Variants in PLEKHG4B observed in about 807,000 individuals in gnomAD.
The protein encoded by PLEKHG4B is pleckstrin homology and RhoGEF domain containing G4B, also known as pleckstrin homology domain-containing family G member 4B.
A neutral mutation model predicts 121.3 loss-of-function variants in PLEKHG4B; 111 were observed. The ratio of observed to expected loss-of-function variants is 0.92; its 90% CI spans 0.78 to 1.07. PLEKHG4B has a LOEUF of 1.07. Among genes scored for constraint, PLEKHG4B ranks in the 50% least tolerant of loss-of-function variants. PLEKHG4B has a pLI of 0.00. For synonymous variants in PLEKHG4B, 738 were observed against 725.0 expected (o/e 1.02, Z -0.29); for missense variants, 1,831 against 1,757.8 (o/e 1.04, Z -0.74).
At chr5:167,502 G>C (rs1736391150) in intron 13 of PLEKHG4B, among the ~76,000 whole-genome samples, 1 of 152,098 alleles carries the variant, frequency 6.6e-6, no homozygotes, top group African/African-American at 2.4e-5. Flanking sequence ...AGGAGGTTGG[G>C]GGTAAGATGC....
chr5:166,652 G>A (rs944026649), intron 13 of PLEKHG4B, among the ~76,000 whole-genome samples: 1 of 151,952 alleles, frequency 6.6e-6, no homozygotes, highest in Non-Finnish European at 1.5e-5. Context: ...CTGCTGGGCG[G>A]CCTGGTTCCT....
At chr5:162,198 C>T (rs908782474) in intron 12 of PLEKHG4B, among the ~76,000 whole-genome samples, 6 of 151,910 alleles carry the variant, frequency 3.9e-5, no homozygotes, top group Non-Finnish European at 7.4e-5. Flanking sequence ...TTTACTGGCT[C>T]AGTTAGAAAA....
At chr5:164,534 G>GTAATGCTCTGAC (rs1736185132) in intron 13 of PLEKHG4B, among the ~76,000 whole-genome samples, 3 of 25,578 alleles carry the variant, frequency 1.2e-4, no homozygotes, top group Admixed American at 3.1e-4. Context: ...TGCTGTGACA[G>GTAATGCTCTGAC]GGGGCGGAGC....
At chr5:172,237 C>T (rs72720468) in intron 16 of PLEKHG4B, among the ~76,000 whole-genome samples, 15,117 of 152,260 alleles carry the variant, frequency 0.099, 953 homozygotes, top group Non-Finnish European at 0.12. Flanking sequence ...TCCCAGCATC[C>T]TCAGCCAAGG....
At chr5:150,085 A>G (rs1221194578) in intron 6 of PLEKHG4B, among the ~76,000 whole-genome samples, 3 of 152,266 alleles carry the variant, frequency 2.0e-5, no homozygotes, top group Middle Eastern at 3.2e-3. Flanking sequence ...AGCATTATCC[A>G]TAACAGCTAA....
At chr5:174,590 C>A (rs927130507) in intron 18 of PLEKHG4B, among the ~76,000 whole-genome samples, 1 of 152,134 alleles carries the variant, frequency 6.6e-6, no homozygotes, top group African/African-American at 2.4e-5. Flanking sequence ...GGGATGGGGT[C>A]ATTGCCCCGA....
At chr5:110,526 C>T (rs1734122337) in intron 1 of PLEKHG4B, among the ~76,000 whole-genome samples, 1 of 146,698 alleles carries the variant, frequency 6.8e-6, no homozygotes, top group Non-Finnish European at 1.5e-5. Flanking sequence ...ATGCACACAT[C>T]CACACAATCT....
chr5:184,069 A>G lies in PLEKHG4B; in HGVS notation c.*1746A>G, dbSNP rs866627100. 1 of 152,278 alleles carries G rather than the reference A, an allele frequency of 6.6e-6. No individual in the cohort carries two copies. Among genetic ancestry groups the G allele is most frequent in the Middle Eastern group, 3.4e-3 (1 of 294 alleles). The allele number at this position is 152,278 out of a possible 1,614,324, so 9.4% of individuals were successfully genotyped here. A position where few individuals can be genotyped will look rare whatever the true frequency, so the allele number is the denominator to read the frequency against. ...AGAGGGGCCTTAGGGGCATTGGCTGACACAATTTTGGCAGGTCAAGAGCCC... is the reference window on the plus strand; with the variant it reads ...AGAGGGGCCTTAGGGGCATTGGCTGGCACAATTTTGGCAGGTCAAGAGCCC... On this transcript the variant is annotated 3_prime_UTR_variant, in exon 20 of 20. Coordinates refer to ENST00000637938, the MANE Select transcript of PLEKHG4B (RefSeq NM_052909.5).
chr5:147,064 G>A (rs1032381592), intron 6 of PLEKHG4B, among the ~76,000 whole-genome samples: 3 of 152,180 alleles, frequency 2.0e-5, no homozygotes, highest in African/African-American at 7.2e-5. Context: ...GAAATTGGCT[G>A]GCCTGGGAGC....
chr5:145,002 T>A, intron 6 of PLEKHG4B, 82 bp downstream of exon 6: 1 of 1,304,910 alleles, frequency 7.7e-7, no homozygotes, highest in Non-Finnish European at 1.1e-6. Context: ...ATCGTGGTTC[T>A]GGAGTAGCCA....
intron 1 of PLEKHG4B, among the ~76,000 whole-genome samples, chr5:99,871 C>T (rs796300653): frequency 1.3e-5 from 2 of 152,040 alleles, no homozygotes; most frequent in South Asian, 4.1e-4. Context: ...TTCATAAATA[C>T]CTTTTATCAT....
At chr5:164,590 C>A (rs1736195064) in intron 13 of PLEKHG4B, among the ~76,000 whole-genome samples, 1 of 92,140 alleles carries the variant, frequency 1.1e-5, no homozygotes. Flanking sequence ...CACAGTAATG[C>A]TGTGACGGAG....
chr5:160,719 T>A (rs1735970574), intron 11 of PLEKHG4B, among the ~76,000 whole-genome samples: 1 of 152,218 alleles, frequency 6.6e-6, no homozygotes, highest in Non-Finnish European at 1.5e-5. Context: ...TTAGTGTATT[T>A]CATCATAGAA....
intron 18 of PLEKHG4B, among the ~76,000 whole-genome samples, chr5:178,516 T>C (rs1736832338): frequency 6.6e-6 from 1 of 152,228 alleles, no homozygotes; most frequent in Non-Finnish European, 1.5e-5. Context: ...TATATCCTTA[T>C]TGGCTTTTTG....
intron 5 of PLEKHG4B, among the ~76,000 whole-genome samples, chr5:144,415 T>C (rs371698474): frequency 3.3e-4 from 51 of 152,346 alleles, no homozygotes; most frequent in African/African-American, 1.1e-3. Flanking sequence ...GATCTCAAGC[T>C]TCCATCTTGG....
intron 2 of PLEKHG4B, among the ~76,000 whole-genome samples, chr5:115,749 A>C (rs1489141102): frequency 6.6e-6 from 1 of 152,230 alleles, no homozygotes; most frequent in African/African-American, 2.4e-5. Context: ...GTTAGCTTCA[A>C]GCTTTTCTTC....
chr5:169,121 G>T, intron 13 of PLEKHG4B: 3 of 579,434 alleles, frequency 5.2e-6, no homozygotes, highest in African/African-American at 1.9e-5. Context: ...TGATCTACCC[G>T]CCTCAGCCTC....
chr5:135,187 C>CAAAAA (rs35601775), intron 2 of PLEKHG4B, among the ~76,000 whole-genome samples: 19 of 48,760 alleles, frequency 3.9e-4, no homozygotes, highest in South Asian at 8.3e-4. Flanking sequence ...GACTCCAGCT[C>CAAAAA]AAAAAAAAAA....
intron 1 of PLEKHG4B, among the ~76,000 whole-genome samples, chr5:106,574 C>T (rs1020131796): frequency 2.6e-5 from 4 of 152,196 alleles, no homozygotes; most frequent in African/African-American, 9.7e-5. Context: ...TTGTCCACAG[C>T]GTGCTCACAT....
Sources: allele counts gnomAD v4.1 joint callset (sites outside exome capture counted in the v4.1 genomes callset), GRCh38; gene constraint gnomAD v4.1.1; transcripts MANE v1.5; gene names NCBI Gene and HGNC (gene_info 2026-07-23, HGNC 2026-07-21).